TRIQK: variants seen among roughly 807,000 people sequenced by gnomAD.
TRIQK encodes the protein triple QxxK/R motif-containing protein.
In TRIQK, 10 loss-of-function variants were observed where a neutral mutation model predicts 10.8. The ratio of observed to expected loss-of-function variants is 0.92; its 90% confidence interval spans 0.57 to 1.57. TRIQK has a LOEUF of 1.57. TRIQK is among the 40% of genes most tolerant of loss of function. The pLI is 0.00. For missense variants in TRIQK, 107 were observed against 97.7 expected (o/e 1.09, Z -0.40); for synonymous variants, 33 against 33.7 (o/e 0.98, Z 0.07).
intron 1 of TRIQK, among the ~76,000 whole-genome samples, chr8:92,961,127 T>C (rs927235328): frequency 6.6e-6 from 1 of 152,212 alleles, no homozygotes; most frequent in Non-Finnish European, 1.5e-5. Context: ...CTGAGTTTTC[T>C]ACTGATAACC....
At chr8:92,988,686 A>C (rs367881802) in intron 1 of TRIQK, among the ~76,000 whole-genome samples, 1 of 152,214 alleles carries the variant, frequency 6.6e-6, no homozygotes, top group East Asian at 1.9e-4. Flanking sequence ...GCAGATTTCC[A>C]AGATCCTTTG....
At chr8:92,907,055 T>G (rs892700437) in intron 3 of TRIQK, among the ~76,000 whole-genome samples, 9 of 152,156 alleles carry the variant, frequency 5.9e-5, no homozygotes, top group African/African-American at 2.2e-4. Flanking sequence ...AACATGAAAA[T>G]GGGAGAGAAA....
At chr8:92,949,656 A>G (rs539934333) in intron 2 of TRIQK, among the ~76,000 whole-genome samples, 8 of 112,926 alleles carry the variant, frequency 7.1e-5, no homozygotes, top group Non-Finnish European at 1.4e-4. Flanking sequence ...AGGAAAGGGA[A>G]GGAAAGAAAG....
intron 3 of TRIQK, among the ~76,000 whole-genome samples, chr8:92,897,271 G>A (rs532120369): frequency 2.0e-5 from 3 of 152,320 alleles, no homozygotes; most frequent in Admixed American, 6.5e-5. Context: ...ATACTGGAAG[G>A]AGGTAAGACT....
chr8:92,966,392 C>T (rs1288185332), upstream of TRIQK, among the ~76,000 whole-genome samples: 2 of 152,248 alleles, frequency 1.3e-5, no homozygotes, highest in African/African-American at 4.8e-5. Context: ...TGAACCCTCC[C>T]ATCTCACACA....
At chr8:92,996,851 T>C (rs1813156993) in intron 1 of TRIQK, among the ~76,000 whole-genome samples, 1 of 151,788 alleles carries the variant, frequency 6.6e-6, no homozygotes, top group African/African-American at 2.4e-5. Context: ...AAAAATAGTT[T>C]ACTCTTCAAA....
intron 2 of TRIQK, among the ~76,000 whole-genome samples, chr8:92,934,283 C>T (rs942297126): frequency 1.3e-5 from 2 of 151,892 alleles, no homozygotes; most frequent in Non-Finnish European, 1.5e-5. Flanking sequence ...TACACAATTG[C>T]TAAACTCTCT....
intron 1 of TRIQK, among the ~76,000 whole-genome samples, chr8:93,005,454 G>C (rs192334137): frequency 6.6e-6 from 1 of 152,168 alleles, no homozygotes; most frequent in African/African-American, 2.4e-5. Context: ...AGTTGGGTGG[G>C]GACACAGAGC....
chr8:92,885,188 T>G lies in TRIQK; in HGVS notation c.*1434A>C. 1 of 354,602 alleles carries G rather than the reference T, an allele frequency of 2.8e-6. No homozygotes were observed. Among genetic ancestry groups the G allele is most frequent in the Non-Finnish European group, 5.6e-6 (1 of 178,960 alleles). The allele number at this position is 354,602 out of a possible 1,614,324, so 22.0% of individuals were successfully genotyped here. A position where few individuals can be genotyped will look rare whatever the true frequency, so the allele number is the denominator to read the frequency against. On this transcript the variant is annotated 3_prime_UTR_variant, in exon 5 of 5. Coordinates refer to ENST00000521988, the MANE Select transcript of TRIQK (RefSeq NM_001171797.2). ...GTTTTCACACCAATGAAATAAATTA[T>G]GCTACTTGAAAAAAATTCTACAGAA...
chr8:92,920,914 C>T (rs1403152771), intron 2 of TRIQK, among the ~76,000 whole-genome samples: 2 of 151,648 alleles, frequency 1.3e-5, no homozygotes, highest in Non-Finnish European at 3.0e-5. Flanking sequence ...ATCCACTTCA[C>T]ACATGACTAG....
chr8:92,895,777 CAAATTA>C (rs1297243995), intron 3 of TRIQK, among the ~76,000 whole-genome samples: 1 of 152,000 alleles, frequency 6.6e-6, no homozygotes, highest in East Asian at 1.9e-4. Context: ...AATTTCTAAG[CAAATTA>C]CTGAAGGAGT....
At chr8:92,950,513 A>G (rs1246117125) in intron 2 of TRIQK, among the ~76,000 whole-genome samples, 1 of 152,074 alleles carries the variant, frequency 6.6e-6, no homozygotes, top group Non-Finnish European at 1.5e-5. Context: ...TTTATTCTGT[A>G]TTCTCTTTAG....
chr8:92,904,054 T>C (rs540576182), intron 3 of TRIQK, among the ~76,000 whole-genome samples: 2 of 152,126 alleles, frequency 1.3e-5, no homozygotes, highest in Admixed American at 6.5e-5. Flanking sequence ...GGGTAGATGA[T>C]AGAAGCAATT....
In TRIQK at chr8:92,883,872, C is replaced by G. The variant is rs1377514038; in HGVS notation, c.*2750G>C. On this transcript the variant is annotated 3_prime_UTR_variant, in exon 5 of 5. Coordinates refer to ENST00000521988, the MANE Select transcript of TRIQK (RefSeq NM_001171797.2). The stretch of plus-strand genomic sequence containing the variant: ...GCTTTTGCTTGTTTTAAAAGCAATT[C>G]TAGATGAGGTTATATTTTTACAATA... 2 of 151,700 alleles carry G rather than the reference C, an allele frequency of 1.3e-5. No individual in the cohort carries two copies. The highest frequency in any genetic ancestry group is 2.9e-5 in the Non-Finnish European group (2 of 67,814). The allele number at this position is 151,700 out of a possible 1,614,324, so 9.4% of individuals were successfully genotyped here.
Position 92,899,482 on chromosome 8 carries a change from A to T in TRIQK, c.62-7408T>A, listed in dbSNP as rs566088835. ...TGTTTAAATTTTTTTAGCTCCCACA[A>T]ATAAGTGAGAAGATGCCCACTTTTT... On this transcript the variant is annotated intron_variant, in intron 3 of 4. Coordinates refer to ENST00000521988, the MANE Select transcript of TRIQK (RefSeq NM_001171797.2). Among the ~76,000 whole-genome samples the T allele has an allele frequency of 9.2e-5, 14 of 152,174 alleles. No individual in the cohort carries two copies. In the East Asian group the frequency reaches 2.7e-3, roughly 30 times the overall value.
Position 92,965,623 on chromosome 8 carries a change from T to TG in TRIQK, c.-181+383dup, listed in dbSNP as rs535844736. On this transcript the variant is annotated intron_variant, in intron 1 of 4. Coordinates refer to ENST00000521988, the MANE Select transcript of TRIQK (RefSeq NM_001171797.2). The stretch of plus-strand genomic sequence containing the variant: ...CAATCCCGAGCCGCGTGGAAGACCT[T>TG]GGGAGGTGGGCGGGACTAACGTGTC... The TG allele has an allele frequency of 3.5e-3, 539 of 152,402 alleles. 4 individuals carry two copies. The highest frequency in any genetic ancestry group is 4.5e-3 in the Non-Finnish European group (305 of 68,114). The allele number at this position is 152,402 out of a possible 1,614,324, so 9.4% of individuals were successfully genotyped here. A position where few individuals can be genotyped will look rare whatever the true frequency, so the allele number is the denominator to read the frequency against.
At chr8:92,957,064 C>A (rs371842042) in intron 1 of TRIQK, among the ~76,000 whole-genome samples, 2 of 151,678 alleles carry the variant, frequency 1.3e-5, no homozygotes, top group African/African-American at 4.8e-5. Context: ...CCCAAGCATG[C>A]AAAGTTGACA....
intron 3 of TRIQK, among the ~76,000 whole-genome samples, chr8:92,916,294 T>C (rs2130454126): frequency 6.6e-6 from 1 of 152,300 alleles, no homozygotes; most frequent in East Asian, 1.9e-4. Context: ...TAATTTAAAA[T>C]AGATAAGCTT....
chr8:92,959,697 T>A (rs1273914134), intron 1 of TRIQK, among the ~76,000 whole-genome samples: 2 of 152,068 alleles, frequency 1.3e-5, no homozygotes, highest in East Asian at 3.9e-4. Context: ...AATAAACCCA[T>A]AGTAAAATTG....
Sources: gnomAD v4.1 joint callset for allele counts (sites outside exome capture counted in the v4.1 genomes callset) on GRCh38, gnomAD v4.1.1 for gene constraint, MANE v1.5 for transcripts, NCBI Gene and HGNC (gene_info 2026-07-23, HGNC 2026-07-21) for gene names.